HMCN1: variants seen among roughly 807,000 people sequenced by gnomAD.
HMCN1 encodes hemicentin-1.
HMCN1 carries 321 observed loss-of-function variants against 625.9 expected under a neutral mutation model. That is an observed-to-expected ratio of 0.51 (90% CI 0.47 to 0.56). The LOEUF is 0.56. Ranked by LOEUF, HMCN1 falls within the 20% of genes least tolerant of loss-of-function variation. The pLI, the probability that HMCN1 is intolerant of heterozygous loss-of-function variation, is 0.00. For synonymous variants in HMCN1, 2,425 were observed against 2,417.6 expected, an observed-to-expected ratio of 1.00 and a Z score of -0.09; for missense variants, 6,588 against 6,887.3, an observed-to-expected ratio of 0.96 and a Z score of 1.54.
intron 34 of HMCN1, among the ~76,000 whole-genome samples, chr1:186,019,052 T>C (rs1377073449): frequency 2.0e-5 from 3 of 152,072 alleles, no homozygotes. Flanking sequence ...TGTCCTGTGA[T>C]GGAATATAGA....
intron 1 of HMCN1, among the ~76,000 whole-genome samples, chr1:185,776,442 T>TTGTGTGTGTGTG (rs57003461): frequency 3.0e-4 from 44 of 147,094 alleles, no homozygotes; most frequent in Middle Eastern, 3.4e-3. Context: ...TTGTATAGGG[T>TTGTGTGTGTGTG]TGTGTGTGTG....
chr1:185,834,511 G>C (rs2102296081), intron 1 of HMCN1, among the ~76,000 whole-genome samples: 2 of 152,270 alleles, frequency 1.3e-5, no homozygotes, highest in Middle Eastern at 6.8e-3. Flanking sequence ...AGGGTAACAG[G>C]GTAGCTCACA....
chr1:185,827,470 A>G lies in HMCN1; in HGVS notation c.269-18556A>G, dbSNP rs1254850594. ...CAGGAAAAATAAAACCACTACAGAA[A>G]TCAAGGAAAAGTTGGCAGGAGCACA... On this transcript the variant is annotated intron_variant, in intron 1 of 106. Transcript: ENST00000271588. 2.6e-5 allele frequency among the ~76,000 whole-genome samples: 4 copies of G among 152,222 alleles called. No homozygotes were observed. In the East Asian group the frequency reaches 7.7e-4, roughly 29 times the overall value.
chr1:185,942,936 T>C (rs759731330), intron 11 of HMCN1, among the ~76,000 whole-genome samples: 4 of 152,086 alleles, frequency 2.6e-5, no homozygotes, highest in Non-Finnish European at 4.4e-5. Context: ...TTTTTAATAA[T>C]GGATACTGCA....
intron 1 of HMCN1, among the ~76,000 whole-genome samples, chr1:185,801,085 G>A (rs1486664793): frequency 1.3e-5 from 2 of 152,106 alleles, no homozygotes; most frequent in Admixed American, 6.6e-5. Context: ...TATAACGACT[G>A]TACACAAGAG....
In HMCN1 at chr1:186,190,795, C is replaced by G. The variant is rs1653680863; in HGVS notation, c.*917C>G. 5.2e-6 allele frequency: 1 copy of G among 194,054 alleles called. No homozygotes were observed. The highest frequency in any genetic ancestry group is 1.1e-5 in the Non-Finnish European group (1 of 93,062). 12.0% of individuals were successfully genotyped at this position (194,054 alleles called of 1,614,324 possible). On this transcript the variant is annotated 3_prime_UTR_variant, in exon 107 of 107. Coordinates refer to ENST00000271588, the MANE Select transcript of HMCN1 (RefSeq NM_031935.3). ...GGTGGTAATAGACTCTAAGCAATTG[C>G]CAAGATGTATTCTATTTTTATGAAG...
At position 186,054,002 on chromosome 1, in the gene HMCN1, G is replaced by A. The variant is rs1290325138; in HGVS notation, c.6862+16G>A. ...CAAGTTTACAGTAAGTTGTTGATTAGCCAGGCTTTGGCAAAATGTTCTCTT... is the reference window on the plus strand; with the variant it reads ...CAAGTTTACAGTAAGTTGTTGATTAACCAGGCTTTGGCAAAATGTTCTCTT... On this transcript the variant is annotated intron_variant, in intron 44 of 106. Transcript: ENST00000271588. 6.2e-7 allele frequency: 1 copy of A among 1,610,572 alleles called. No individual in the cohort carries two copies. The highest frequency in any genetic ancestry group is 1.7e-5 in the Admixed American group (1 of 59,804).
chr1:185,755,561 T>C (rs1472032776), intron 1 of HMCN1, among the ~76,000 whole-genome samples: 1 of 152,172 alleles, frequency 6.6e-6, no homozygotes, highest in East Asian at 1.9e-4. Flanking sequence ...TGGGAGACCC[T>C]TGTGAGCTGC....
At chr1:185,937,286 T>G (rs919380207) in intron 11 of HMCN1, among the ~76,000 whole-genome samples, 4 of 152,164 alleles carry the variant, frequency 2.6e-5, no homozygotes, top group African/African-American at 9.7e-5. Flanking sequence ...ATTTATTGGC[T>G]CACAGTGCTG....
At chr1:185,871,473 G>A (rs935278268) in intron 4 of HMCN1, among the ~76,000 whole-genome samples, 3 of 152,050 alleles carry the variant, frequency 2.0e-5, no homozygotes, top group Admixed American at 6.6e-5. Context: ...GTGTTGTTGG[G>A]TTTAGAACAT....
rs1663111061 is a variant in HMCN1 at position 185,865,316 on chromosome 1, T to A, written c.499-425T>A. 2.6e-5 allele frequency among the ~76,000 whole-genome samples: 4 copies of A among 152,186 alleles called. No homozygotes were observed. In the South Asian group the frequency reaches 8.3e-4, roughly 31 times the overall value. On this transcript the variant is annotated intron_variant, in intron 3 of 106. Coordinates refer to ENST00000271588, the MANE Select transcript of HMCN1 (RefSeq NM_031935.3). ...CTTGTAGAATGTCATTTTTGCCTCA[T>A]GCTATTGGCCAAAGGAAGTCACATG...
intron 84 of HMCN1, 117 bp downstream of exon 84, chr1:186,130,217 T>G: frequency 7.4e-7 from 1 of 1,348,684 alleles, no homozygotes; most frequent in Non-Finnish European, 1.0e-6. Context: ...CACTCAGTCC[T>G]ATTTCACAGA....
chr1:185,983,512 G>A (rs1651802233), intron 18 of HMCN1, among the ~76,000 whole-genome samples: 1 of 152,134 alleles, frequency 6.6e-6, no homozygotes, highest in South Asian at 2.1e-4. Flanking sequence ...AAAATCCTGA[G>A]GAAAAATTAG....
At chr1:185,938,229 G>C (rs1343235344) in intron 11 of HMCN1, among the ~76,000 whole-genome samples, 1 of 152,090 alleles carries the variant, frequency 6.6e-6, no homozygotes, top group Non-Finnish European at 1.5e-5. Context: ...CTGTTCTAGG[G>C]AGAAAAAGTT....
chr1:186,077,077 C>T (rs971627535), intron 54 of HMCN1, among the ~76,000 whole-genome samples: 8 of 152,066 alleles, frequency 5.3e-5, no homozygotes, highest in Non-Finnish European at 1.2e-4. Flanking sequence ...GATGTTTAAA[C>T]TGTTATGGAA....
Position 186,120,246 on chromosome 1 carries a change from A to G in HMCN1, c.12229+101A>G. The G allele has an allele frequency of 4.7e-6, 6 of 1,281,192 alleles. No individual in the cohort carries two copies. The South Asian group carries it at 8.1e-5, about 17-fold the overall frequency. 79.4% of individuals were successfully genotyped at this position (1,281,192 alleles called of 1,614,324 possible). A position where few individuals can be genotyped will look rare whatever the true frequency, so the allele number is the denominator to read the frequency against. On this transcript the variant is annotated intron_variant, in intron 80 of 106. Transcript: ENST00000271588. ...AATGATTATGCTGCTGTTCCCCCAT[A>G]GTTCTCGACATTCTTAGTTTGCATT... is the stretch of plus-strand genomic sequence containing the variant.
intron 29 of HMCN1, among the ~76,000 whole-genome samples, chr1:186,006,036 C>G (rs184543732): frequency 6.7e-6 from 1 of 150,054 alleles, no homozygotes; most frequent in Admixed American, 6.7e-5. Context: ...CTTGGGAGGC[C>G]GAGGCAGGAG....
At chr1:185,791,260 C>T (rs1274925749) in intron 1 of HMCN1, among the ~76,000 whole-genome samples, 1 of 151,940 alleles carries the variant, frequency 6.6e-6, no homozygotes, top group East Asian at 1.9e-4. Context: ...ACATAGTAGG[C>T]CCTCAATAAA....
intron 4 of HMCN1, among the ~76,000 whole-genome samples, chr1:185,885,099 A>G (rs1664555669): frequency 6.6e-6 from 1 of 151,064 alleles, no homozygotes; most frequent in Non-Finnish European, 1.5e-5. Flanking sequence ...TTTTTTTGGT[A>G]GTGGTCCTTG....
Sources: gnomAD v4.1 joint callset for allele counts (sites outside exome capture counted in the v4.1 genomes callset) on GRCh38, gnomAD v4.1.1 for gene constraint, MANE v1.5 for transcripts, NCBI Gene and HGNC (gene_info 2026-07-23, HGNC 2026-07-21) for gene names.